Variants in MYO1H observed in about 807,000 individuals in gnomAD.
MYO1H encodes unconventional myosin-Ih.
In MYO1H, 118 loss-of-function variants were observed where a neutral mutation model predicts 149.3. The observed-to-expected ratio is 0.79, with a 90% CI of 0.68 to 0.92. The LOEUF is 0.92. MYO1H is among the 40% of genes least tolerant of loss of function. MYO1H has a pLI of 0.00. For synonymous variants in MYO1H, 447 were observed against 465.2 expected, an observed-to-expected ratio of 0.96 and a Z score of 0.50; for missense variants, 1,212 against 1,280.7, an observed-to-expected ratio of 0.95 and a Z score of 0.82.
intron 1 of MYO1H, among the ~76,000 whole-genome samples, chr12:109,378,043 CT>C (rs1409721115): frequency 2.0e-5 from 3 of 152,142 alleles, no homozygotes; most frequent in Non-Finnish European, 4.4e-5. Context: ...ATTGATAACT[CT>C]TTTTCATCTC....
the MYO1H span, among the ~76,000 whole-genome samples, chr12:109,332,618 C>T: frequency 6.6e-6 from 1 of 152,202 alleles, no homozygotes; most frequent in Non-Finnish European, 1.5e-5. Flanking sequence ...CGCTCTGTTG[C>T]CCACGCTGGA....
At chr12:109,376,371 T>C (rs1026550710) in intron 1 of MYO1H, among the ~76,000 whole-genome samples, 1 of 152,232 alleles carries the variant, frequency 6.6e-6, no homozygotes, top group Non-Finnish European at 1.5e-5. Context: ...ACTGCTTCTT[T>C]CACCTAGCAT....
chr12:109,421,091 T>C, intron 16 of MYO1H, 64 bp downstream of exon 16: 1 of 1,180,994 alleles, frequency 8.5e-7, no homozygotes, highest in Non-Finnish European at 1.2e-6. Flanking sequence ...TGATAGTGAT[T>C]TTGGTAGAAT....
intron 15 of MYO1H, among the ~76,000 whole-genome samples, chr12:109,417,145 T>C (rs1180865242): frequency 1.3e-5 from 2 of 152,134 alleles, no homozygotes; most frequent in Admixed American, 1.3e-4. Context: ...CATTCCAGCC[T>C]GGGTGACAGA....
the MYO1H span, among the ~76,000 whole-genome samples, chr12:109,322,126 C>G: frequency 6.6e-6 from 1 of 152,018 alleles, no homozygotes. Flanking sequence ...TCTTTAAGAC[C>G]ATAAAGATGT....
chr12:109,443,045 T>TGTGTGTGTATATATGTGTAC (rs1555255542), intron 27 of MYO1H, among the ~76,000 whole-genome samples: 1 of 93,486 alleles, frequency 1.1e-5, no homozygotes, highest in Non-Finnish European at 2.1e-5. Flanking sequence ...TGTGTGTGTG[T>TGTGTGTGTATATATGTGTAC]GTATATATGT....
In MYO1H at chr12:109,393,570, T is replaced by TCCATCCGCCCACCCATCCATTCATCCAC. The variant is rs1869766274; in HGVS notation, c.290+126_290+153dup. On this transcript the variant is annotated intron_variant, in intron 3 of 31. Transcript: ENST00000310903. ...ATCCATCCATCCATCCATCCATCCA[T>TCCATCCGCCCACCCATCCATTCATCCAC]CCATCCGCCCACCCATCCATTCATC... The TCCATCCGCCCACCCATCCATTCATCCAC allele has an allele frequency of 3.3e-5, 22 of 668,502 alleles. No homozygotes were observed. The East Asian group carries it at 6.0e-4, about 18-fold the overall frequency. 41.4% of individuals were successfully genotyped at this position (668,502 alleles called of 1,614,324 possible). A position where few individuals can be genotyped will look rare whatever the true frequency, so the allele number is the denominator to read the frequency against.
intron 27 of MYO1H, 32 bp from the exon 28 acceptor site, chr12:109,443,482 C>T (rs369612026): frequency 1.2e-6 from 2 of 1,607,512 alleles, no homozygotes; most frequent in Non-Finnish European, 1.7e-6. Context: ...CTCTGCCCCA[C>T]CTTCCCTGGT....
In MYO1H at chr12:109,433,019, C is replaced by G. The variant is rs1871708015; in HGVS notation, c.2063+9C>G. 6.2e-7 allele frequency: 1 copy of G among 1,606,020 alleles called. No individual in the cohort carries two copies. Among genetic ancestry groups the G allele is most frequent in the Non-Finnish European group, 8.5e-7 (1 of 1,172,790 alleles). On this transcript the variant is annotated intron_variant, in intron 20 of 31. Coordinates refer to ENST00000310903, the Ensembl canonical transcript of MYO1H. ...GAATACAAGTTAGGCAAGTAAGTGA[C>G]CAGAAGACCACCAAATGGTCTCTTC...
intron 1 of MYO1H, among the ~76,000 whole-genome samples, chr12:109,374,133 A>G (rs1869044434): frequency 6.6e-6 from 1 of 152,226 alleles, no homozygotes; most frequent in Non-Finnish European, 1.5e-5. Flanking sequence ...TGATGGATTC[A>G]CTTCCGCAGT....
At chr12:109,432,499 G>T (rs534154330) in intron 19 of MYO1H, among the ~76,000 whole-genome samples, 1 of 152,134 alleles carries the variant, frequency 6.6e-6, no homozygotes, top group Admixed American at 6.6e-5. Flanking sequence ...GGACATCTGG[G>T]TTGTTTCCAC....
At chr12:109,380,225 C>T (rs1046322090) in intron 1 of MYO1H, among the ~76,000 whole-genome samples, 5 of 152,050 alleles carry the variant, frequency 3.3e-5, no homozygotes, top group Middle Eastern at 3.2e-3. Flanking sequence ...TAGTTGTTTA[C>T]AGGAGGAGGA....
chr12:109,415,318 T>C (rs1178097014), intron 14 of MYO1H, among the ~76,000 whole-genome samples: 1 of 151,862 alleles, frequency 6.6e-6, no homozygotes, highest in East Asian at 1.9e-4. Flanking sequence ...CTACTAAAAA[T>C]ACAAAAATTA....
At position 109,426,010 on chromosome 12, in the gene MYO1H, C is replaced by G. The variant is rs759230534; in HGVS notation, c.1790C>G (p.Ser597Cys). 8.7e-6 allele frequency: 14 copies of G among 1,613,768 alleles called. No homozygotes were observed. The East Asian group carries it at 3.1e-4, about 36-fold the overall frequency. ...GAAACCCTCATCTCTAAGGAGCCCT[C>G]CTACATCCGTTGCATCAAGCCCAAC... The change falls in exon 18 of 32, where the codon TCC becomes TGC. Residue 597 changes from serine (S) to cysteine (C), a missense_variant. Physicochemically the swap from Ser to Cys is moderately radical, Grantham distance 112. Transcript: ENST00000310903.
At chr12:109,416,377 TGG>T (rs1491200263) in intron 15 of MYO1H, among the ~76,000 whole-genome samples, 126 of 126,546 alleles carry the variant, frequency 1.0e-3, no homozygotes, top group African/African-American at 3.6e-3. Context: ...CTGTTGTTGT[TGG>T]TTTTTTTTTT....
intron 1 of MYO1H, among the ~76,000 whole-genome samples, chr12:109,356,377 CTGTT>C (rs1868601754): frequency 7.6e-6 from 1 of 130,756 alleles, no homozygotes; most frequent in East Asian, 2.1e-4. Flanking sequence ...AAAGCCCTTT[CTGTT>C]TGTTTTTGTT....
chr12:109,339,851 TG>T, the MYO1H span, among the ~76,000 whole-genome samples: 2 of 152,342 alleles, frequency 1.3e-5, no homozygotes, highest in East Asian at 3.9e-4. Context: ...CAAGTATCTT[TG>T]TGCACTGCTG....
At chr12:109,388,623 A>C (rs1482486827) in intron 1 of MYO1H, 60 bp from the exon 2 acceptor site, 13 of 1,396,072 alleles carry the variant, frequency 9.3e-6, no homozygotes, top group Non-Finnish European at 1.1e-5. Context: ...TCCATGCATT[A>C]GACGTGTAAT....
intron 3 of MYO1H, among the ~76,000 whole-genome samples, chr12:109,394,228 T>C (rs1251138811): frequency 2.0e-5 from 3 of 152,114 alleles, no homozygotes; most frequent in Non-Finnish European, 4.4e-5. Flanking sequence ...CCAAACACCA[T>C]GTTTCCTTCT....
Sources: allele counts gnomAD v4.1 joint callset (sites outside exome capture counted in the v4.1 genomes callset), GRCh38; gene constraint gnomAD v4.1.1; transcripts MANE v1.5; gene names NCBI Gene and HGNC (gene_info 2026-07-23, HGNC 2026-07-21).